Variants in RYR1 observed in about 807,000 individuals in gnomAD.
The protein encoded by RYR1 is central core disease of muscle.
RYR1 carries 342 observed loss-of-function variants against 583.5 expected under a neutral mutation model. That is an observed-to-expected ratio of 0.59 (90% CI 0.54 to 0.64). RYR1 has a LOEUF of 0.64. Ranked by LOEUF, RYR1 falls within the 30% of genes least tolerant of loss-of-function variation. The pLI is 0.00. For synonymous variants in RYR1, 2,791 were observed against 2,822.5 expected, an observed-to-expected ratio of 0.99 and a Z score of 0.35; for missense variants, 6,032 against 6,917.2, an observed-to-expected ratio of 0.87 and a Z score of 4.54.
At position 38,565,613 on chromosome 19, in the gene RYR1, C is replaced by T. The variant is rs1973378079; in HGVS notation, c.13279C>T (p.His4427Tyr). Residue 4427 changes from histidine (H) to tyrosine (Y), a missense_variant, in exon 91 of 106, where the codon CAC becomes TAC. By Grantham distance (83) the His-to-Tyr change is moderately conservative (BLOSUM62 2). Coordinates refer to ENST00000359596, the MANE Select transcript of RYR1 (RefSeq NM_000540.3). This position sits in a 1 kb window ranked among gnomAD's most constrained non-coding sequence, Gnocchi z 4.7. ...CGCTGGAGACGAGGAGGAGGCGGTGCACGAGGCCGGGCCGGGCGGTGCCGA... is the reference window on the plus strand; with the variant it reads ...CGCTGGAGACGAGGAGGAGGCGGTGTACGAGGCCGGGCCGGGCGGTGCCGA... ...EGAGDEEEAVHEAGPGGADGA... is the reference protein window; with the variant it reads ...EGAGDEEEAVYEAGPGGADGA... 2.1e-6 allele frequency: 3 copies of T among 1,434,402 alleles called. No homozygotes were observed. Among genetic ancestry groups the T allele is most frequent in the Non-Finnish European group, 2.7e-6 (3 of 1,102,682 alleles). 88.9% of individuals were successfully genotyped at this position (1,434,402 alleles called of 1,614,324 possible).
Position 38,496,561 on chromosome 19 carries a change from G to A in RYR1, c.6796+20G>A. 1 of 1,612,980 alleles carries A rather than the reference G, an allele frequency of 6.2e-7. No homozygotes were observed. Among genetic ancestry groups the A allele is most frequent in the Non-Finnish European group, 8.5e-7 (1 of 1,180,016 alleles). On this transcript the variant is annotated intron_variant, in intron 41 of 105. Coordinates refer to ENST00000359596, the MANE Select transcript of RYR1 (RefSeq NM_000540.3). The surrounding 1 kb of genome is among the most constrained non-coding windows in gnomAD (Gnocchi z 4.8). ...GCCTGGGTGAGAACCCCCGAGCCCA[G>A]GGGCTGTCCCCCAGAACCCACTCCT...
intron 63 of RYR1, among the ~76,000 whole-genome samples, chr19:38,513,061 A>G (rs1970800576): frequency 6.6e-6 from 1 of 151,364 alleles, no homozygotes; most frequent in African/African-American, 2.4e-5. Flanking sequence ...CACTTGGCCG[A>G]GCGCAGTGGC....
chr19:38,459,343 G>A lies in RYR1; in HGVS notation c.2360+5G>A, dbSNP rs1383533308. The A allele has an allele frequency of 6.2e-7, 1 of 1,613,798 alleles. No homozygotes were observed. The highest frequency in any genetic ancestry group is 1.3e-5 in the African/African-American group (1 of 74,988). On this transcript the variant is annotated splice_donor_5th_base_variant and intron_variant, in intron 19 of 105. Coordinates refer to ENST00000359596, the MANE Select transcript of RYR1 (RefSeq NM_000540.3). ...CAGCTTCTCGGCTGGTGTCAAGTGA[G>A]AACTTGCCCCCACCCCACGGCCAGT...
At position 38,537,048 on chromosome 19, in the gene RYR1, A is replaced by G. The variant is rs1274265867; in HGVS notation, c.11608+281A>G. 8.9e-6 allele frequency: 5 copies of G among 564,952 alleles called. No homozygotes were observed. The East Asian group carries it at 1.5e-4, about 17-fold the overall frequency. The allele number at this position is 564,952 out of a possible 1,614,324, so 35.0% of individuals were successfully genotyped here. A position where few individuals can be genotyped will look rare whatever the true frequency, so the allele number is the denominator to read the frequency against. On this transcript the variant is annotated intron_variant, in intron 83 of 105. Transcript: ENST00000359596. Reference sequence around the variant, plus strand: ...TGAAGCAGAAGCTAGAGAACATGGTAAAGATCTCTTTCCAGCTGGATATTG... The same window carrying G: ...TGAAGCAGAAGCTAGAGAACATGGTGAAGATCTCTTTCCAGCTGGATATTG...
At chr19:38,486,304 C>T (rs758279433) in intron 34 of RYR1, 102 bp downstream of exon 34, 3 of 1,338,778 alleles carry the variant, frequency 2.2e-6, no homozygotes. Context: ...CATCCAACCA[C>T]CCATTCATTC....
chr19:38,579,424 CAAAA>C (rs556139705), intron 99 of RYR1, among the ~76,000 whole-genome samples: 2 of 110,780 alleles, frequency 1.8e-5, no homozygotes, highest in African/African-American at 3.4e-5. Context: ...GACTCCATCT[CAAAA>C]AAAAAAAAAA....
At chr19:38,513,488 GAAGAA>G (rs1006552989) in intron 63 of RYR1, among the ~76,000 whole-genome samples, 23 of 152,268 alleles carry the variant, frequency 1.5e-4, no homozygotes, top group African/African-American at 4.3e-4. Flanking sequence ...TTAAAAAAAA[GAAGAA>G]AAGAAAAGTA....
chr19:38,466,167 C>G lies in RYR1; in HGVS notation c.2947C>G (p.Leu983Val). 6.2e-7 allele frequency: 1 copy of G among 1,613,582 alleles called. No homozygotes were observed. The highest frequency in any genetic ancestry group is 8.5e-7 in the Non-Finnish European group (1 of 1,179,952). Residue 983 changes from leucine (L) to valine (V), a missense_variant, in exon 24 of 106, where the codon CTG becomes GTG. This residue lies in a region of RYR1 where 2,627 missense variants were observed against 2,961.3 expected (regional missense o/e 0.89). Coordinates refer to ENST00000359596, the MANE Select transcript of RYR1 (RefSeq NM_000540.3). ...HVRLTPAQTT[L>V]VDRLAENGHN... ...GCGGCTGACGCCGGCGCAGACGACACTGGTGGACCGTCTGGCAGAAAATGG... is the reference window on the plus strand; with the variant it reads ...GCGGCTGACGCCGGCGCAGACGACAGTGGTGGACCGTCTGGCAGAAAATGG...
chr19:38,546,121 G>C (rs1213667578), intron 87 of RYR1, among the ~76,000 whole-genome samples: 2 of 151,976 alleles, frequency 1.3e-5, no homozygotes, highest in Non-Finnish European at 2.9e-5. Flanking sequence ...CTGGGTCTCT[G>C]TCCCCAGTGT....
intron 33 of RYR1, among the ~76,000 whole-genome samples, chr19:38,484,727 G>A (rs1476701066): frequency 6.6e-6 from 1 of 151,762 alleles, no homozygotes; most frequent in Non-Finnish European, 1.5e-5. Context: ...AGCACTTCAG[G>A]AGGCTGAGGA....
At chr19:38,577,626 G>A (rs193083956) in intron 97 of RYR1, among the ~76,000 whole-genome samples, 15 of 152,088 alleles carry the variant, frequency 9.9e-5, no homozygotes, top group African/African-American at 1.9e-4. Context: ...GAGAAACCCC[G>A]TCCCTACTAA....
intron 87 of RYR1, 88 bp from the exon 88 acceptor site, chr19:38,546,357 C>A: frequency 2.6e-6 from 3 of 1,139,522 alleles, no homozygotes; most frequent in Non-Finnish European, 4.0e-6. Flanking sequence ...CGGGTTTAGG[C>A]CCTGCTGGGT....
rs1462329009 is a variant in RYR1, at chr19:38,502,962, C to T, written c.7918C>T (p.Pro2640Ser). The change falls in exon 49 of 106, where the codon CCA (proline) becomes TCA (serine). Residue 2640 changes from proline (P) to serine (S), a missense_variant. This residue lies in a region of RYR1 where 250 missense variants were observed against 162.3 expected (regional missense o/e 1.54). Coordinates refer to ENST00000359596, the MANE Select transcript of RYR1 (RefSeq NM_000540.3). The stretch of plus-strand genomic sequence containing the variant: ...CATCCTCAACGAGTTCGCCAAGATG[C>T]CACTCAAGGTGAGGGCAAGCGCTCT... ...VPILNEFAKM[P>S]LKLLTNHYER... 2 of 1,609,368 alleles carry T rather than the reference C, an allele frequency of 1.2e-6. No individual in the cohort carries two copies. Among genetic ancestry groups the T allele is most frequent in the East Asian group, 2.2e-5 (1 of 44,882 alleles).
rs1970687243 is a variant in RYR1 at position 38,510,666 on chromosome 19, C to G, written c.9007C>G (p.Leu3003Val). 6.2e-7 allele frequency: 1 copy of G among 1,614,174 alleles called. No homozygotes were observed. The highest frequency in any genetic ancestry group is 1.3e-5 in the African/African-American group (1 of 75,032). The change falls in exon 60 of 106, where the codon CTC becomes GTC. Residue 3003 changes from leucine (L) to valine (V), a missense_variant. Leu to Val is a conservative substitution (Grantham distance 32). Coordinates refer to ENST00000359596, the MANE Select transcript of RYR1 (RefSeq NM_000540.3). ...TCCCCCAACCCGTCTCCAGATCCTG[C>G]TCCCTTTGATCAACCAGTACTTCAC... ...QEIKFFAKILLPLINQYFTNH... is the reference protein window; with the variant it reads ...QEIKFFAKILVPLINQYFTNH...
At position 38,500,467 on chromosome 19, in the gene RYR1, C is replaced by G. The variant is rs191481468; in HGVS notation, c.7324-139C>G. The G allele has an allele frequency of 6.8e-5, 85 of 1,255,552 alleles. No homozygotes were observed. In the African/African-American group the frequency reaches 1.1e-3, roughly 17 times the overall value. The allele number at this position is 1,255,552 out of a possible 1,614,324, so 77.8% of individuals were successfully genotyped here. On this transcript the variant is annotated intron_variant, in intron 45 of 105. Transcript: ENST00000359596. This position sits in a 1 kb window ranked among gnomAD's most constrained non-coding sequence, Gnocchi z 5.9. ...GGGTGGGGGGGCACAGGCAGAGGAA[C>G]GAGGGCTGGAAACTCTAGACAGCCT...
At position 38,505,918 on chromosome 19, in the gene RYR1, AAACGCGG is replaced by A; in HGVS notation, c.8516_8522del (p.Thr2839ArgfsTer87). 6.2e-7 allele frequency: 1 copy of A among 1,613,764 alleles called. No homozygotes were observed. The highest frequency in any genetic ancestry group is 8.5e-7 in the Non-Finnish European group (1 of 1,179,990). On this transcript the variant is annotated frameshift_variant, in exon 54 of 106. Coordinates refer to ENST00000359596, the MANE Select transcript of RYR1 (RefSeq NM_000540.3). LOFTEE classifies it high-confidence loss of function. ...GAGGAGGAGAAGACGGAAAAGAAAA[AAACGCGG>A]AAGATATCACAAAGTGCCCAGGTGA...
chr19:38,567,646 C>G, intron 92 of RYR1, 127 bp from the exon 93 acceptor site: 1 of 1,345,776 alleles, frequency 7.4e-7, no homozygotes, highest in Non-Finnish European at 1.1e-6. Context: ...CTCATCATCC[C>G]ATGTACCCAG....
rs2145629496 is a variant in RYR1, at chr19:38,504,897, T to C, written c.8217T>C (p.Pro2739=). 1 of 1,614,150 alleles carries C rather than the reference T, an allele frequency of 6.2e-7. No individual in the cohort carries two copies. The highest frequency in any genetic ancestry group is 8.5e-7 in the Non-Finnish European group (1 of 1,180,018). Reference sequence around the variant, plus strand: ...CTGAAGGCAACTTTGATCCCCGGCCTGTGGAGACCCTCAAGTGAGGCCTGG... The same window carrying C: ...CTGAAGGCAACTTTGATCCCCGGCCCGTGGAGACCCTCAAGTGAGGCCTGG... The part of the protein sequence containing the change: ...VDAEGNFDPR[P]VETLNVIIPE... The change falls in exon 51 of 106, where the codon CCT becomes CCC. Residue 2739 remains proline, a synonymous_variant. Coordinates refer to ENST00000359596, the MANE Select transcript of RYR1 (RefSeq NM_000540.3).
rs376176332 is a variant in RYR1, at chr19:38,499,658, A to C, written c.7051A>C (p.Asn2351His). 19 of 1,598,746 alleles carry C rather than the reference A, an allele frequency of 1.2e-5. No homozygotes were observed. The highest frequency in any genetic ancestry group is 1.5e-5 in the Non-Finnish European group (18 of 1,179,858). ...VNGESVEENA[N>H]VVVRLLIRKP... is the part of the protein sequence containing the mutation. ...AGGCGAGAGCGTGGAGGAGAACGCC[A>C]ATGTGGTGGTGCGGCTGCTCATCCG... is the stretch of plus-strand genomic sequence containing the variant. The change falls in exon 44 of 106, where the codon AAT (asparagine) becomes CAT (histidine). Residue 2351 changes from asparagine (N) to histidine (H), a missense_variant. Physicochemically the swap from Asn to His is moderately conservative, Grantham distance 68 (BLOSUM62 1). Transcript: ENST00000359596. This position sits in a 1 kb window ranked among gnomAD's most constrained non-coding sequence, Gnocchi z 7.3.
Sources: gnomAD v4.1 joint callset for allele counts (sites outside exome capture counted in the v4.1 genomes callset) on GRCh38, gnomAD v4.1.1 for gene constraint, gnomAD v4.1.1 regional missense constraint, Gnocchi (gnomAD v3.1) non-coding constraint, MANE v1.5 for transcripts, NCBI Gene and HGNC (gene_info 2026-07-23, HGNC 2026-07-21) for gene names.